CDIN1: variants seen among roughly 807,000 people sequenced by gnomAD.
The protein encoded by CDIN1 is CDAN1 interacting nuclease 1.
A neutral mutation model predicts 45.3 loss-of-function variants in CDIN1; 33 were observed. The ratio of observed to expected loss-of-function variants is 0.73; its 90% CI spans 0.55 to 0.97. The LOEUF (loss-of-function observed/expected upper bound fraction) is 0.97. Among genes scored for constraint, CDIN1 ranks in the 50% least tolerant of loss-of-function variants. The pLI, the probability that CDIN1 is intolerant of heterozygous loss-of-function variation, is 0.00. For synonymous variants in CDIN1, 118 were observed against 124.4 expected, an observed-to-expected ratio of 0.95 and a Z score of 0.34; for missense variants, 303 against 339.4, an observed-to-expected ratio of 0.89 and a Z score of 0.84.
intron 1 of CDIN1, among the ~76,000 whole-genome samples, chr15:36,614,471 T>C (rs111426095): frequency 1.3e-5 from 2 of 152,356 alleles, no homozygotes; most frequent in African/African-American, 4.8e-5. Context: ...AAGCATGTTA[T>C]GATGTACACA....
chr15:36,622,203 TA>T, intron 1 of CDIN1, among the ~76,000 whole-genome samples: 1 of 152,320 alleles, frequency 6.6e-6, no homozygotes, highest in East Asian at 1.9e-4. Context: ...TCTTTAATGG[TA>T]AAAGTTTATA....
intron 10 of CDIN1, among the ~76,000 whole-genome samples, chr15:36,765,932 G>A (rs1054240859): frequency 1.2e-4 from 19 of 152,200 alleles, no homozygotes; most frequent in Non-Finnish European, 1.8e-4. Flanking sequence ...TCTACCTTCT[G>A]TTAAAATTTG....
chr15:36,715,862 C>G (rs1468013838), intron 10 of CDIN1, among the ~76,000 whole-genome samples: 1 of 152,098 alleles, frequency 6.6e-6, no homozygotes, highest in Non-Finnish European at 1.5e-5. Context: ...GTATAGAGTA[C>G]TTTGAGAAAA....
At chr15:36,712,182 A>G (rs564314963) in intron 10 of CDIN1, among the ~76,000 whole-genome samples, 11 of 151,146 alleles carry the variant, frequency 7.3e-5, no homozygotes, top group South Asian at 2.1e-4. Flanking sequence ...AACCAATATT[A>G]CCTAATTGTC....
intron 10 of CDIN1, among the ~76,000 whole-genome samples, chr15:36,769,414 G>T (rs2054008827): frequency 1.3e-5 from 2 of 152,134 alleles, no homozygotes; most frequent in Non-Finnish European, 2.9e-5. Context: ...AAAGTCCTGA[G>T]GCAGAATTCC....
intron 1 of CDIN1, among the ~76,000 whole-genome samples, chr15:36,615,130 A>C (rs558256435): frequency 7.5e-4 from 114 of 152,348 alleles, no homozygotes; most frequent in Non-Finnish European, 1.3e-3. Flanking sequence ...GAAATCTTGA[A>C]TAGCTTACGT....
chr15:36,648,265 A>G (rs982555886), intron 3 of CDIN1, among the ~76,000 whole-genome samples: 7 of 152,080 alleles, frequency 4.6e-5, no homozygotes, highest in African/African-American at 1.7e-4. Context: ...TATATAAGCA[A>G]TTGTGAATCC....
chr15:36,789,043 T>G (rs2054579634), intron 10 of CDIN1, among the ~76,000 whole-genome samples: 1 of 152,236 alleles, frequency 6.6e-6, no homozygotes, highest in South Asian at 2.1e-4. Context: ...ACACTAATAA[T>G]AGCTGATGAG....
chr15:36,581,630 C>T (rs1017522200), intron 1 of CDIN1, among the ~76,000 whole-genome samples: 12 of 152,274 alleles, frequency 7.9e-5, no homozygotes, highest in Middle Eastern at 3.4e-3. Context: ...GTAATCCCAG[C>T]GCTTTGGGAG....
At chr15:36,765,874 T>G (rs902875944) in intron 10 of CDIN1, among the ~76,000 whole-genome samples, 3 of 152,290 alleles carry the variant, frequency 2.0e-5, no homozygotes, top group Admixed American at 6.5e-5. Context: ...TGCTTTATTT[T>G]GGGGATTTGT....
intron 8 of CDIN1, chr15:36,705,285 T>A (rs1416037592): frequency 6.6e-6 from 1 of 152,192 alleles, no homozygotes; most frequent in African/African-American, 2.4e-5. Flanking sequence ...TACTATCTAG[T>A]TCATCTCCTT....
intron 10 of CDIN1, among the ~76,000 whole-genome samples, chr15:36,746,752 CTTTTTTTTTTTT>C (rs760613983): frequency 1.3e-5 from 1 of 74,352 alleles, no homozygotes; most frequent in Non-Finnish European, 2.4e-5. Context: ...GGAAACGTGT[CTTTTTTTTTTTT>C]TTTTTTTTTT....
intron 10 of CDIN1, among the ~76,000 whole-genome samples, chr15:36,762,462 C>T (rs1034870189): frequency 6.6e-6 from 1 of 151,356 alleles, no homozygotes; most frequent in South Asian, 2.1e-4. Flanking sequence ...GCACCTCTGC[C>T]CCATATGTTG....
At chr15:36,734,252 T>G (rs1014047657) in intron 10 of CDIN1, 1 of 249,638 alleles carries the variant, frequency 4.0e-6, no homozygotes, top group African/African-American at 2.2e-5. Context: ...TTTAAAATGA[T>G]CAGAAATATC....
At chr15:36,616,998 C>G (rs953925399) in intron 1 of CDIN1, 1 of 658,288 alleles carries the variant, frequency 1.5e-6, no homozygotes, top group Non-Finnish European at 2.7e-6. Flanking sequence ...AGAACAAAAA[C>G]TTATTTAAAA....
chr15:36,740,929 A>AT (rs570364659), intron 10 of CDIN1, among the ~76,000 whole-genome samples: 16 of 150,034 alleles, frequency 1.1e-4, no homozygotes, highest in South Asian at 4.2e-4. Flanking sequence ...CTGCATTTCA[A>AT]TTTTTTTTTT....
chr15:36,640,635 A>G (rs2040068570), intron 1 of CDIN1: 5 of 985,298 alleles, frequency 5.1e-6, no homozygotes, highest in Non-Finnish European at 6.0e-6. Flanking sequence ...GGAGGAACAT[A>G]AAATACGTGA....
intron 2 of CDIN1, 141 bp from the exon 3 acceptor site, chr15:36,645,082 G>T: frequency 1.5e-6 from 1 of 662,618 alleles, no homozygotes; most frequent in Non-Finnish European, 2.7e-6. Flanking sequence ...AAGAAGTCCT[G>T]CCATCACCAC....
chr15:36,649,706 TG>T (rs1455268928), intron 3 of CDIN1, among the ~76,000 whole-genome samples: 3 of 152,150 alleles, frequency 2.0e-5, no homozygotes, highest in Non-Finnish European at 4.4e-5. Context: ...CTAGTAAAGA[TG>T]ATAAGTTTAT....
Sources: allele counts gnomAD v4.1 joint callset (sites outside exome capture counted in the v4.1 genomes callset), GRCh38; gene constraint gnomAD v4.1.1; transcripts MANE v1.5; gene names NCBI Gene and HGNC (gene_info 2026-07-23, HGNC 2026-07-21).